UNC13C: variants seen among roughly 807,000 people sequenced by gnomAD.
UNC13C encodes unc-13 homolog C.
UNC13C carries 174 observed loss-of-function variants against 245.4 expected under a neutral mutation model. The observed-to-expected ratio is 0.71, with a 90% CI of 0.63 to 0.80. The LOEUF (loss-of-function observed/expected upper bound fraction) is 0.80, where lower values mean the gene tolerates loss of function less well. Ranked by LOEUF, UNC13C falls within the 30% of genes least tolerant of loss-of-function variation. UNC13C has a pLI of 0.00. For synonymous variants in UNC13C, 992 were observed against 895.1 expected (o/e 1.11, Z -1.93); for missense variants, 2,829 against 2,602.9 (o/e 1.09, Z -1.89).
intron 30 of UNC13C, among the ~76,000 whole-genome samples, chr15:54,585,034 G>T (rs896741679): frequency 6.6e-6 from 1 of 152,160 alleles, no homozygotes; most frequent in Non-Finnish European, 1.5e-5. Flanking sequence ...GACTACCATT[G>T]GTTATCCGAT....
intron 1 of UNC13C, among the ~76,000 whole-genome samples, chr15:53,995,603 A>G (rs1194245136): frequency 6.6e-6 from 1 of 152,126 alleles, no homozygotes; most frequent in Non-Finnish European, 1.5e-5. Context: ...TTCTCTCTCA[A>G]GTTCCCAAGA....
intron 22 of UNC13C, among the ~76,000 whole-genome samples, chr15:54,503,717 T>C (rs1894336518): frequency 6.6e-6 from 1 of 152,188 alleles, no homozygotes; most frequent in East Asian, 1.9e-4. Flanking sequence ...ATAAAAATCG[T>C]TTGTGTTTAC....
At chr15:54,448,553 T>C (rs1361763879) in intron 19 of UNC13C, among the ~76,000 whole-genome samples, 8 of 152,198 alleles carry the variant, frequency 5.3e-5, no homozygotes, top group African/African-American at 1.9e-4. Flanking sequence ...GCTTTTGATC[T>C]TTGTTGGTTT....
At chr15:54,630,144 A>C (rs558588057), downstream of UNC13C, 13 of 152,328 alleles carry the variant, frequency 8.5e-5, no homozygotes, top group South Asian at 8.3e-4. Context: ...TTGTCTATGG[A>C]TAAACCTCAC....
intron 20 of UNC13C, among the ~76,000 whole-genome samples, chr15:54,499,335 C>T (rs1027178451): frequency 2.6e-5 from 4 of 152,108 alleles, no homozygotes; most frequent in Non-Finnish European, 5.9e-5. Context: ...CCTGCATGAT[C>T]AAAGCACCTC....
chr15:53,956,033 G>T, the UNC13C span, among the ~76,000 whole-genome samples: 3 of 152,114 alleles, frequency 2.0e-5, no homozygotes, highest in Admixed American at 6.5e-5. Flanking sequence ...GCAGAATATG[G>T]ATGTAGCTGG....
At chr15:54,052,627 C>T (rs1897320877) in intron 2 of UNC13C, among the ~76,000 whole-genome samples, 1 of 152,088 alleles carries the variant, frequency 6.6e-6, no homozygotes, top group Non-Finnish European at 1.5e-5. Flanking sequence ...GTGTTTTATC[C>T]ACGAAGAAAG....
chr15:54,099,498 G>A (rs562054634), intron 2 of UNC13C, among the ~76,000 whole-genome samples: 1 of 152,122 alleles, frequency 6.6e-6, no homozygotes, highest in Non-Finnish European at 1.5e-5. Context: ...CCCCAAGATG[G>A]TCACTTAATT....
At chr15:54,115,283 G>A (rs913094106) in intron 2 of UNC13C, among the ~76,000 whole-genome samples, 1 of 151,968 alleles carries the variant, frequency 6.6e-6, no homozygotes, top group African/African-American at 2.4e-5. Flanking sequence ...ATGTATTTGG[G>A]TATATGCTTT....
chr15:54,006,586 A>C (rs766195591), intron 1 of UNC13C, among the ~76,000 whole-genome samples: 2 of 152,206 alleles, frequency 1.3e-5, no homozygotes, highest in African/African-American at 4.8e-5. Flanking sequence ...CATCAGTCAC[A>C]TTATATACAC....
chr15:54,298,612 C>T (rs556225729), intron 12 of UNC13C, among the ~76,000 whole-genome samples: 113 of 152,144 alleles, frequency 7.4e-4, no homozygotes, highest in Non-Finnish European at 6.6e-4. Flanking sequence ...GAGAGGTAAA[C>T]ACCACCCAAC....
chr15:54,440,013 T>A lies in UNC13C; in HGVS notation c.4933+24946T>A, dbSNP rs555303569. On this transcript the variant is annotated intron_variant, in intron 19 of 32. Coordinates refer to ENST00000260323, the MANE Select transcript of UNC13C (RefSeq NM_001080534.3). ...TGGCTGTGTCCTCACCCAAATCTCA[T>A]CTTAAATTGCAATCCCCATAATGTA... is the stretch of plus-strand genomic sequence containing the variant. Among the ~76,000 whole-genome samples the A allele has an allele frequency of 1.6e-4, 24 of 152,102 alleles. 1 individual carries two copies. The South Asian group carries it at 4.8e-3, about 30-fold the overall frequency.
chr15:54,491,669 A>G (rs1008455680), intron 19 of UNC13C, among the ~76,000 whole-genome samples: 1 of 152,150 alleles, frequency 6.6e-6, no homozygotes, highest in African/African-American at 2.4e-5. Flanking sequence ...CCTAAGTCAC[A>G]TGATATCTGC....
intron 28 of UNC13C, among the ~76,000 whole-genome samples, chr15:54,555,119 A>AC (rs1381218970): frequency 3.3e-5 from 5 of 152,048 alleles, no homozygotes. Flanking sequence ...TAAACCAAGG[A>AC]AGTCAGGTGA....
chr15:54,239,224 T>C (rs1172250211), intron 7 of UNC13C, among the ~76,000 whole-genome samples: 1 of 152,194 alleles, frequency 6.6e-6, no homozygotes, highest in Non-Finnish European at 1.5e-5. Flanking sequence ...TATTTCTCAT[T>C]CCCTTCCTTC....
intron 7 of UNC13C, among the ~76,000 whole-genome samples, chr15:54,240,604 C>T (rs17818278): frequency 3.9e-5 from 6 of 152,086 alleles, no homozygotes; most frequent in Admixed American, 1.3e-4. Flanking sequence ...CCTTCACTAA[C>T]GCTCTGCTGG....
At chr15:54,295,299 G>A (rs568764741) in intron 11 of UNC13C, among the ~76,000 whole-genome samples, 13 of 152,066 alleles carry the variant, frequency 8.5e-5, no homozygotes, top group Non-Finnish European at 1.6e-4. Context: ...TTCTTGGGTC[G>A]AGGCAGTAAA....
At chr15:54,096,073 A>C (rs1169599346) in intron 2 of UNC13C, among the ~76,000 whole-genome samples, 1 of 152,158 alleles carries the variant, frequency 6.6e-6, no homozygotes, top group Non-Finnish European at 1.5e-5. Context: ...ACCAAGGAAG[A>C]TATGTAGGTA....
At chr15:54,157,221 A>T (rs2141260436) in intron 4 of UNC13C, among the ~76,000 whole-genome samples, 1 of 152,366 alleles carries the variant, frequency 6.6e-6, no homozygotes, top group Admixed American at 6.5e-5. Flanking sequence ...AGGAAAAGAC[A>T]CATGATAATG....
Sources: gnomAD v4.1 joint callset for allele counts (sites outside exome capture counted in the v4.1 genomes callset) on GRCh38, gnomAD v4.1.1 for gene constraint, MANE v1.5 for transcripts, NCBI Gene and HGNC (gene_info 2026-07-23, HGNC 2026-07-21) for gene names.